The following RUVBL1 variants were observed in gnomAD, a reference collection of about 807,000 sequenced individuals.
RUVBL1 encodes the protein ruvB-like 1.
Under a neutral mutation model 52.4 loss-of-function variants are expected in RUVBL1, and 4 were observed. The observed-to-expected ratio is 0.08, with a 90% CI of 0.04 to 0.17. The LOEUF (loss-of-function observed/expected upper bound fraction) is 0.17. RUVBL1 is among the 10% of genes least tolerant of loss of function. The pLI, the probability that RUVBL1 is intolerant of heterozygous loss-of-function variation, is 1.00. For synonymous variants in RUVBL1, 217 were observed against 214.4 expected (o/e 1.01, Z -0.10); for missense variants, 298 against 572.8 (o/e 0.52, Z 4.90).
chr3:128,097,070 C>T (rs1459556467), intron 8 of RUVBL1, among the ~76,000 whole-genome samples: 1 of 152,198 alleles, frequency 6.6e-6, no homozygotes, highest in East Asian at 1.9e-4. Context: ...TGTAGTATCA[C>T]ACCCAAAAGA....
chr3:128,072,668 G>A (rs894317951), intron 9 of RUVBL1, among the ~76,000 whole-genome samples: 1 of 152,230 alleles, frequency 6.6e-6, no homozygotes, highest in South Asian at 2.1e-4. Context: ...AGACCAGCCA[G>A]GCGCTGTGAA....
intron 1 of RUVBL1, among the ~76,000 whole-genome samples, chr3:128,138,052 A>G (rs969313987): frequency 6.6e-6 from 1 of 152,174 alleles, no homozygotes; most frequent in Non-Finnish European, 1.5e-5. Flanking sequence ...TCAACACAAT[A>G]CAAGCCATAT....
intron 9 of RUVBL1, among the ~76,000 whole-genome samples, chr3:128,066,425 A>C (rs776296946): frequency 1.3e-5 from 2 of 150,300 alleles, no homozygotes; most frequent in Non-Finnish European, 3.0e-5. Flanking sequence ...GCTTGCTTCC[A>C]TGTTTTGTTT....
intron 9 of RUVBL1, chr3:128,069,955 G>T (rs1942111062): frequency 3.3e-6 from 1 of 302,052 alleles, no homozygotes; most frequent in South Asian, 5.3e-5. Flanking sequence ...TTTAACCTTT[G>T]CACCTTCTCA....
intron 3 of RUVBL1, among the ~76,000 whole-genome samples, chr3:128,111,855 C>T (rs576963390): frequency 6.6e-6 from 1 of 152,228 alleles, no homozygotes; most frequent in East Asian, 1.9e-4. Flanking sequence ...AATGAAAGAG[C>T]CTGGAAACTG....
chr3:128,082,326 T>C lies in RUVBL1; in HGVS notation c.1211+157A>G. The C allele has an allele frequency of 1.7e-6, 1 of 605,348 alleles. No homozygotes were observed. The highest frequency in any genetic ancestry group is 2.8e-5 in the East Asian group (1 of 35,918). 37.5% of individuals were successfully genotyped at this position (605,348 alleles called of 1,614,324 possible). A position where few individuals can be genotyped will look rare whatever the true frequency, so the allele number is the denominator to read the frequency against. On this transcript the variant is annotated intron_variant, in intron 10 of 10. Transcript: ENST00000322623. The surrounding 1 kb of genome is among the most constrained non-coding windows in gnomAD (Gnocchi z 4.7). ...AAACCATCAGATAGATCCTCTGCAT[T>C]TGAAACTCAAGTGCCCTGGCACCCA...
intron 1 of RUVBL1, among the ~76,000 whole-genome samples, chr3:128,123,199 T>C (rs1487477305): frequency 6.6e-6 from 1 of 152,226 alleles, no homozygotes; most frequent in Non-Finnish European, 1.5e-5. Context: ...TAATTATTTT[T>C]ATTTATTGGT....
intron 3 of RUVBL1, among the ~76,000 whole-genome samples, chr3:128,108,031 T>C (rs1276680367): frequency 1.3e-5 from 2 of 152,218 alleles, no homozygotes; most frequent in Non-Finnish European, 2.9e-5. Context: ...TGAAACCGGC[T>C]GTTAGCCAGG....
intron 1 of RUVBL1, among the ~76,000 whole-genome samples, chr3:128,134,763 C>T (rs1468462417): frequency 6.7e-6 from 1 of 148,226 alleles, no homozygotes; most frequent in Non-Finnish European, 1.5e-5. Flanking sequence ...ATTGCACCAC[C>T]GCACTCCAGC....
Position 128,098,950 on chromosome 3 carries a change from A to T in RUVBL1, c.754-5T>A, listed in dbSNP as rs1198932421. On this transcript the variant is annotated splice_region_variant and splice_polypyrimidine_tract_variant and intron_variant, in intron 6 of 10. Transcript: ENST00000322623. Reference sequence around the variant, plus strand: ...GGACAGGATATCTTGTCCCCCCTGCATAAGAGAAGACTTAGAGTCAGTGCT... The same window carrying T: ...GGACAGGATATCTTGTCCCCCCTGCTTAAGAGAAGACTTAGAGTCAGTGCT... The T allele has an allele frequency of 1.9e-6, 3 of 1,613,292 alleles. No individual in the cohort carries two copies. Among genetic ancestry groups the T allele is most frequent in the Non-Finnish European group, 2.5e-6 (3 of 1,179,458 alleles).
upstream of RUVBL1, among the ~76,000 whole-genome samples, chr3:128,125,887 G>T (rs1943782092): frequency 1.3e-5 from 2 of 152,204 alleles, no homozygotes; most frequent in Non-Finnish European, 2.9e-5. Flanking sequence ...GTCAAAGTGA[G>T]GCATTCTATG....
At chr3:128,069,350 CT>C (rs1942083742) in intron 9 of RUVBL1, 1 of 904,710 alleles carries the variant, frequency 1.1e-6, no homozygotes, top group East Asian at 2.4e-5. Context: ...TAGTAGATGA[CT>C]TTCTAGGAGA....
chr3:128,116,280 C>T (rs1413160416), intron 2 of RUVBL1, among the ~76,000 whole-genome samples: 1 of 152,080 alleles, frequency 6.6e-6, no homozygotes, highest in Non-Finnish European at 1.5e-5. Context: ...GTGGCTCACG[C>T]CTGTAATCCC....
At chr3:128,147,214 C>G (rs1455812387) in intron 1 of RUVBL1, among the ~76,000 whole-genome samples, 2 of 152,098 alleles carry the variant, frequency 1.3e-5, no homozygotes, top group African/African-American at 2.4e-5. Context: ...AGACCACAGG[C>G]ATGTGCCACC....
chr3:128,153,059 T>C (rs1366479251), intron 1 of RUVBL1: 4 of 220,902 alleles, frequency 1.8e-5, no homozygotes, highest in Non-Finnish European at 2.8e-5. Flanking sequence ...CTTTTTTCAA[T>C]CCTCCCTGTG....
Position 128,082,367 on chromosome 3 carries a change from C to A in RUVBL1, c.1211+116G>T. On this transcript the variant is annotated intron_variant, in intron 10 of 10. Transcript: ENST00000322623. The surrounding 1 kb of genome is among the most constrained non-coding windows in gnomAD (Gnocchi z 4.7). ...CTGGCACCCATCGCGCCAGGAAGAG[C>A]GGATGGATAGAGTCCCATGCCCTAG... is the stretch of plus-strand genomic sequence containing the variant. The A allele has an allele frequency of 1.3e-6, 1 of 748,864 alleles. No individual in the cohort carries two copies. The highest frequency in any genetic ancestry group is 2.3e-6 in the Non-Finnish European group (1 of 432,540). 46.4% of individuals were successfully genotyped at this position (748,864 alleles called of 1,614,324 possible). A position where few individuals can be genotyped will look rare whatever the true frequency, so the allele number is the denominator to read the frequency against.
At position 128,090,451 on chromosome 3, in the gene RUVBL1, G is replaced by A. The variant is rs182447007; in HGVS notation, c.1017-2643C>T. On this transcript the variant is annotated intron_variant, in intron 8 of 10. Coordinates refer to ENST00000322623, the MANE Select transcript of RUVBL1 (RefSeq NM_003707.3). ...GGAGAATGGCGTGAACCCGGGAGGC[G>A]GAGCTTGCAGTGTACCGAGATCGTG... 4.1e-3 allele frequency among the ~76,000 whole-genome samples: 631 copies of A among 152,082 alleles called. 2 individuals are homozygous for A. The highest frequency in any genetic ancestry group is 7.2e-3 in the Non-Finnish European group (488 of 67,958).
chr3:128,115,353 A>G (rs1320306939), intron 2 of RUVBL1, among the ~76,000 whole-genome samples: 1 of 152,222 alleles, frequency 6.6e-6, no homozygotes, highest in Non-Finnish European at 1.5e-5. Flanking sequence ...CTATTTTTCA[A>G]TCTCATCTGA....
At chr3:128,072,866 G>A (rs1252375795) in intron 9 of RUVBL1, among the ~76,000 whole-genome samples, 2 of 152,136 alleles carry the variant, frequency 1.3e-5, no homozygotes, top group South Asian at 2.1e-4. Flanking sequence ...AGGCCCTGGT[G>A]TCTCTCCACC....
Sources: gnomAD v4.1 joint callset for allele counts (sites outside exome capture counted in the v4.1 genomes callset) on GRCh38, gnomAD v4.1.1 for gene constraint, Gnocchi (gnomAD v3.1) non-coding constraint, MANE v1.5 for transcripts, NCBI Gene and HGNC (gene_info 2026-07-23, HGNC 2026-07-21) for gene names.